PRKCD: variants seen among roughly 807,000 people sequenced by gnomAD.
PRKCD encodes protein kinase C delta type.
A neutral mutation model predicts 82.2 loss-of-function variants in PRKCD; 20 were observed. The observed-to-expected ratio is 0.24, with a 90% confidence interval of 0.17 to 0.35. The LOEUF (loss-of-function observed/expected upper bound fraction) is 0.35, where lower values mean the gene tolerates loss of function less well. PRKCD is among the 10% of genes least tolerant of loss of function. PRKCD has a pLI of 1.00. For missense variants in PRKCD, 607 were observed against 899.0 expected, an observed-to-expected ratio of 0.68 and a Z score of 4.15; for synonymous variants, 317 against 337.0, an observed-to-expected ratio of 0.94 and a Z score of 0.65.
chr3:53,191,285 G>A (rs1477199999), intron 18 of PRKCD, among the ~76,000 whole-genome samples: 2 of 152,124 alleles, frequency 1.3e-5, no homozygotes, highest in African/African-American at 4.8e-5. Context: ...GTGCACACCT[G>A]TAATCCCAGC....
chr3:53,189,397 T>C (rs1703841557), intron 17 of PRKCD, 151 bp downstream of exon 17: 6 of 890,734 alleles, frequency 6.7e-6, no homozygotes, highest in Non-Finnish European at 9.9e-6. Context: ...TCTCTCACCA[T>C]GTTCCCAGGA....
Position 53,180,378 on chromosome 3 carries a change from G to C in PRKCD, c.315+602G>C, listed in dbSNP as rs181196203. Among the ~76,000 whole-genome samples, 5 of 152,302 alleles carry C rather than the reference G, an allele frequency of 3.3e-5. No homozygotes were observed. The South Asian group carries it at 8.3e-4, about 25-fold the overall frequency. On this transcript the variant is annotated intron_variant, in intron 4 of 18. Transcript: ENST00000330452. ...GGAGGTGGGAGAAGGGGAGGCTGAC[G>C]GTCTCATCTACTTACCTGCTGAAAT... is the stretch of plus-strand genomic sequence containing the variant.
At chr3:53,191,235 C>T (rs1013060722) in intron 18 of PRKCD, among the ~76,000 whole-genome samples, 8 of 152,044 alleles carry the variant, frequency 5.3e-5, no homozygotes, top group Non-Finnish European at 4.4e-5. Context: ...AACCCCGTCT[C>T]TACTACAAAA....
At chr3:53,184,333 T>TCAACAACAA (rs147569297) in intron 9 of PRKCD, among the ~76,000 whole-genome samples, 51 of 144,144 alleles carry the variant, frequency 3.5e-4, no homozygotes, top group African/African-American at 1.3e-3. Context: ...AGACTCCGTC[T>TCAACAACAA]CAACAACAAC....
intron 18 of PRKCD, among the ~76,000 whole-genome samples, 154 bp from the exon 19 acceptor site, chr3:53,191,954 A>G (rs1299999605): frequency 6.6e-6 from 1 of 151,930 alleles, no homozygotes; most frequent in Non-Finnish European, 1.5e-5. Context: ...CCTCCTTCCC[A>G]TGGGGCTCCT....
At chr3:53,183,310 C>A in intron 8 of PRKCD, 104 bp downstream of exon 8, 1 of 1,569,178 alleles carries the variant, frequency 6.4e-7, no homozygotes. Context: ...CCCTCCCTCC[C>A]CATTTTTCTT....
At chr3:53,178,791 T>G (rs1703315546) in intron 3 of PRKCD, among the ~76,000 whole-genome samples, 1 of 152,206 alleles carries the variant, frequency 6.6e-6, no homozygotes, top group Non-Finnish European at 1.5e-5. Context: ...TACCCAGCAA[T>G]TTTTACATGT....
At chr3:53,170,128 C>G (rs1702968681) in intron 2 of PRKCD, among the ~76,000 whole-genome samples, 1 of 126,442 alleles carries the variant, frequency 7.9e-6, no homozygotes, top group Non-Finnish European at 1.8e-5. Context: ...GGTAAACCAT[C>G]TGGAAAATCG....
At chr3:53,175,992 T>C (rs1274157137) in intron 2 of PRKCD, among the ~76,000 whole-genome samples, 6 of 152,194 alleles carry the variant, frequency 3.9e-5, no homozygotes. Context: ...GTGCCCACCA[T>C]GTGCCACCCA....
In PRKCD at chr3:53,179,785, C is replaced by G; in HGVS notation, c.315+9C>G. ...GCAAGGCTGAGTTCTGGGTAAGGGG[C>G]GCACGAGCCGTGCCGTGTGTGTGTG... On this transcript the variant is annotated intron_variant, in intron 4 of 18. Coordinates refer to ENST00000330452, the MANE Select transcript of PRKCD (RefSeq NM_006254.4). 6.4e-7 allele frequency: 1 copy of G among 1,551,534 alleles called. No individual in the cohort carries two copies.
At position 53,181,361 on chromosome 3, in the gene PRKCD, G is replaced by C. The variant is rs961906413; in HGVS notation, c.377-83G>C. 5.6e-6 allele frequency: 9 copies of C among 1,608,406 alleles called. No individual in the cohort carries two copies. In the African/African-American group the frequency reaches 1.1e-4, roughly 19 times the overall value. ...GGAAGCTGCTCCCTTCGGCAGAGCT[G>C]TCCAGGACCACCCTGGGAGGGACTG... On this transcript the variant is annotated intron_variant, in intron 5 of 18. Coordinates refer to ENST00000330452, the MANE Select transcript of PRKCD (RefSeq NM_006254.4).
intron 3 of PRKCD, 85 bp from the exon 4 acceptor site, chr3:53,179,492 A>T (rs984108917): frequency 6.4e-7 from 1 of 1,565,924 alleles, no homozygotes; most frequent in Admixed American, 1.7e-5. Context: ...AGTCGGGCAG[A>T]TTCTGCCAGG....
intron 4 of PRKCD, among the ~76,000 whole-genome samples, 155 bp from the exon 5 acceptor site, chr3:53,181,052 G>A (rs1244756145): frequency 2.6e-5 from 4 of 152,004 alleles, no homozygotes; most frequent in Admixed American, 2.0e-4. Flanking sequence ...GGGCTCAGGC[G>A]GGGCCCTGCC....
At chr3:53,163,081 G>A (rs1377652563) in intron 1 of PRKCD, among the ~76,000 whole-genome samples, 1 of 151,998 alleles carries the variant, frequency 6.6e-6, no homozygotes, top group African/African-American at 2.4e-5. Context: ...GTGTGGTTGT[G>A]TGTGTGCGTG....
intron 18 of PRKCD, among the ~76,000 whole-genome samples, chr3:53,191,417 A>C (rs1296320058): frequency 1.3e-5 from 2 of 149,106 alleles, no homozygotes; most frequent in African/African-American, 2.6e-5. Flanking sequence ...CTAAATGAAT[A>C]AATAAATAAA....
Position 53,185,591 on chromosome 3 carries a change from G to C in PRKCD, c.889-13G>C, listed in dbSNP as rs1553668798. ...TCTGACCATCTGGCCCCCCACCTCT[G>C]CTCCCTCCCCAGAGAGCCTCCCGGA... On this transcript the variant is annotated splice_polypyrimidine_tract_variant and intron_variant, in intron 10 of 18. Transcript: ENST00000330452. The C allele has an allele frequency of 6.2e-7, 1 of 1,611,772 alleles. No individual in the cohort carries two copies. The highest frequency in any genetic ancestry group is 1.1e-5 in the South Asian group (1 of 91,050).
chr3:53,181,597 A>T lies in PRKCD; in HGVS notation c.530A>T (p.Asp177Val). 1 of 1,614,178 alleles carries T rather than the reference A, an allele frequency of 6.2e-7. No individual in the cohort carries two copies. Among genetic ancestry groups the T allele is most frequent in the African/African-American group, 1.3e-5 (1 of 75,048 alleles). ...CCCACCTTCTGTTCTGTGTGCAAAG[A>T]CTTTGTCTGGTGAGAACCGGCCATG... Reference protein sequence around the residue: ...GQPTFCSVCKDFVWGLNKQGY... With the variant: ...GQPTFCSVCKVFVWGLNKQGY... Residue 177 changes from aspartate to valine, a missense_variant, in exon 6 of 19, where the codon GAC (aspartate) becomes GTC (valine). Around this residue, in one of 5 missense-constraint regions of PRKCD, gnomAD observed 109 missense variants for 155.6 expected, o/e 0.70. Coordinates refer to ENST00000330452, the MANE Select transcript of PRKCD (RefSeq NM_006254.4).
At chr3:53,174,027 C>T (rs1703134576) in intron 2 of PRKCD, among the ~76,000 whole-genome samples, 1 of 152,230 alleles carries the variant, frequency 6.6e-6, no homozygotes, top group African/African-American at 2.4e-5. Flanking sequence ...TCGGGCAGGC[C>T]TGGATTTATC....
intron 18 of PRKCD, among the ~76,000 whole-genome samples, chr3:53,191,821 C>A (rs551040837): frequency 3.1e-4 from 47 of 152,330 alleles, no homozygotes; most frequent in African/African-American, 1.1e-3. Context: ...CCCACAAAAA[C>A]AGGTGGTAAG....
Sources: gnomAD v4.1 joint callset for allele counts (sites outside exome capture counted in the v4.1 genomes callset) on GRCh38, gnomAD v4.1.1 for gene constraint, gnomAD v4.1.1 regional missense constraint, MANE v1.5 for transcripts, NCBI Gene and HGNC (gene_info 2026-07-23, HGNC 2026-07-21) for gene names.